STPG2: variants seen among roughly 807,000 people sequenced by gnomAD.
STPG2 encodes sperm-tail PG-rich repeat-containing protein 2.
In STPG2, 56 loss-of-function variants were observed where a neutral mutation model predicts 54.2. The ratio of observed to expected loss-of-function variants is 1.03; its 90% confidence interval spans 0.83 to 1.29. The LOEUF (loss-of-function observed/expected upper bound fraction) is 1.29, where lower values mean the gene tolerates loss of function less well. Ranked by LOEUF, STPG2 falls within the 50% of genes most tolerant of loss-of-function variation. The probability of loss-of-function intolerance (pLI) is 0.00; values close to 1 mark genes in which losing one functional copy is unlikely to be tolerated. For missense variants in STPG2, 596 were observed against 544.9 expected (o/e 1.09, Z -0.93); for synonymous variants, 200 against 181.8 (o/e 1.10, Z -0.81).
intron 9 of STPG2, among the ~76,000 whole-genome samples, chr4:97,723,162 A>G (rs1208488583): frequency 6.6e-6 from 1 of 151,820 alleles, no homozygotes; most frequent in East Asian, 1.9e-4. Flanking sequence ...TCTGTCATCT[A>G]CTGAGCTTTT....
intron 5 of STPG2, among the ~76,000 whole-genome samples, chr4:98,034,552 C>T (rs536299755): frequency 3.9e-5 from 6 of 152,230 alleles, no homozygotes; most frequent in East Asian, 3.9e-4. Context: ...CAATGCTATC[C>T]GCATCAAGCT....
At chr4:98,076,176 G>A (rs556863685) in intron 5 of STPG2, among the ~76,000 whole-genome samples, 2 of 151,792 alleles carry the variant, frequency 1.3e-5, no homozygotes, top group South Asian at 2.1e-4. Flanking sequence ...CCTGGGAGGC[G>A]GAGCTTGCAA....
At chr4:98,047,588 G>A (rs1332155257) in intron 5 of STPG2, among the ~76,000 whole-genome samples, 1 of 152,114 alleles carries the variant, frequency 6.6e-6, no homozygotes, top group Non-Finnish European at 1.5e-5. Context: ...ACTCACAAGT[G>A]TAGAGGCCTA....
At chr4:97,776,453 T>A (rs1437236994) in intron 9 of STPG2, among the ~76,000 whole-genome samples, 2 of 152,200 alleles carry the variant, frequency 1.3e-5, no homozygotes, top group Non-Finnish European at 2.9e-5. Context: ...CTCCTTTAAC[T>A]TATTTTCCAC....
intron 4 of STPG2, among the ~76,000 whole-genome samples, chr4:97,497,180 A>C (rs1475176722): frequency 6.6e-6 from 1 of 151,752 alleles, no homozygotes; most frequent in African/African-American, 2.4e-5. Flanking sequence ...TAACACAAGC[A>C]GGCAGCATAT....
intron 10 of STPG2, among the ~76,000 whole-genome samples, chr4:97,688,952 T>C (rs1010342965): frequency 1.3e-5 from 2 of 152,136 alleles, no homozygotes; most frequent in Admixed American, 6.5e-5. Context: ...AAAAATAAAC[T>C]AAAACACTAA....
At chr4:97,761,274 G>A (rs1182893756) in intron 9 of STPG2, among the ~76,000 whole-genome samples, 1 of 152,146 alleles carries the variant, frequency 6.6e-6, no homozygotes, top group Non-Finnish European at 1.5e-5. Flanking sequence ...AGTGGGGTAA[G>A]ACAGGCCCTT....
chr4:97,620,609 T>G (rs555618921), intron 10 of STPG2, among the ~76,000 whole-genome samples: 1 of 152,306 alleles, frequency 6.6e-6, no homozygotes, highest in Non-Finnish European at 1.5e-5. Context: ...CCTAAATGTA[T>G]ATGCACCCAA....
chr4:97,580,758 G>A (rs1483107273), intron 10 of STPG2, among the ~76,000 whole-genome samples: 1 of 151,952 alleles, frequency 6.6e-6, no homozygotes, highest in Non-Finnish European at 1.5e-5. Flanking sequence ...GATGTGGGTT[G>A]GGTCAGTTAA....
At chr4:97,983,516 C>T (rs919998387) in intron 5 of STPG2, among the ~76,000 whole-genome samples, 8 of 152,140 alleles carry the variant, frequency 5.3e-5, no homozygotes, top group African/African-American at 1.4e-4. Flanking sequence ...CCAATGTTAA[C>T]GATTTATAAT....
chr4:97,958,770 C>G (rs1283772575), intron 7 of STPG2, among the ~76,000 whole-genome samples: 1 of 152,148 alleles, frequency 6.6e-6, no homozygotes, highest in East Asian at 1.9e-4. Context: ...AACACAATAA[C>G]AGTGGGGGAC....
Position 98,020,050 on chromosome 4 carries a change from G to C in STPG2, c.613-38732C>G, listed in dbSNP as rs200503967. The stretch of plus-strand genomic sequence containing the variant: ...ATTGCCCTGGCCAGAACTTCCAACA[G>C]TATGTTGAATAGGAGTGGTGAGAGA... On this transcript the variant is annotated intron_variant, in intron 5 of 10. Transcript: ENST00000295268. Among the ~76,000 whole-genome samples the C allele has an allele frequency of 9.9e-3, 915 of 92,610 alleles. 10 individuals carry two copies. The highest frequency in any genetic ancestry group is 0.013 in the Middle Eastern group (2 of 160). The allele number at this position is 92,610 out of a possible 152,430, so 60.8% of individuals were successfully genotyped here.
At chr4:97,820,702 G>A (rs1728059640) in intron 9 of STPG2, among the ~76,000 whole-genome samples, 1 of 152,144 alleles carries the variant, frequency 6.6e-6, no homozygotes, top group Non-Finnish European at 1.5e-5. Context: ...CTTCAATGTG[G>A]GGAGGTCTCA....
chr4:97,963,584 G>A (rs953680978), intron 7 of STPG2, among the ~76,000 whole-genome samples: 2 of 152,034 alleles, frequency 1.3e-5, no homozygotes, highest in South Asian at 2.1e-4. Flanking sequence ...GAACCCAGGA[G>A]GGCAAGGGTG....
intron 9 of STPG2, among the ~76,000 whole-genome samples, chr4:97,768,641 A>T (rs1399252506): frequency 6.6e-6 from 1 of 152,104 alleles, no homozygotes; most frequent in African/African-American, 2.4e-5. Flanking sequence ...AATAAAGGAC[A>T]TTAAACCTTT....
At chr4:98,022,738 A>T (rs984183583) in intron 5 of STPG2, among the ~76,000 whole-genome samples, 1 of 151,716 alleles carries the variant, frequency 6.6e-6, no homozygotes, top group African/African-American at 2.4e-5. Flanking sequence ...TTTTTCTCTA[A>T]ACTTCCCTTC....
intron 8 of STPG2, among the ~76,000 whole-genome samples, chr4:97,915,239 C>T (rs549895424): frequency 3.9e-5 from 6 of 151,964 alleles, no homozygotes; most frequent in African/African-American, 1.5e-4. Flanking sequence ...AAGGAATTTA[C>T]GATACACTGG....
chr4:97,883,034 G>C (rs768344129), intron 8 of STPG2, among the ~76,000 whole-genome samples: 16 of 150,956 alleles, frequency 1.1e-4, no homozygotes, highest in Non-Finnish European at 2.1e-4. Context: ...AAGAGAGAAA[G>C]CAAGCCAGTC....
At chr4:97,918,075 A>T (rs1309865660) in intron 8 of STPG2, among the ~76,000 whole-genome samples, 1 of 152,110 alleles carries the variant, frequency 6.6e-6, no homozygotes, top group Non-Finnish European at 1.5e-5. Flanking sequence ...GAAGATAAAA[A>T]AAAACCTAAA....
Sources: allele counts gnomAD v4.1 joint callset (sites outside exome capture counted in the v4.1 genomes callset), GRCh38; gene constraint gnomAD v4.1.1; transcripts MANE v1.5; gene names NCBI Gene and HGNC (gene_info 2026-07-23, HGNC 2026-07-21).